Variants in PPM1B observed in about 807,000 individuals in gnomAD.
PPM1B encodes protein phosphatase, Mg2+/Mn2+ dependent 1B.
PPM1B carries 22 observed loss-of-function variants against 43.0 expected under a neutral mutation model. That is an observed-to-expected ratio of 0.51 (90% CI 0.37 to 0.73). The LOEUF is 0.73. Among genes scored for constraint, PPM1B ranks in the 30% least tolerant of loss-of-function variants. PPM1B has a pLI of 0.00. For synonymous variants in PPM1B, 217 were observed against 197.9 expected (o/e 1.10, Z -0.81); for missense variants, 632 against 584.2 (o/e 1.08, Z -0.84).
At chr2:44,246,403 T>C (rs1670854266), downstream of PPM1B, among the ~76,000 whole-genome samples, 1 of 152,210 alleles carries the variant, frequency 6.6e-6, no homozygotes, top group African/African-American at 2.4e-5. Context: ...GTTGTGGATT[T>C]ATCTAAGATA....
At chr2:44,223,989 A>G (rs944944833) in intron 5 of PPM1B, among the ~76,000 whole-genome samples, 2 of 152,176 alleles carry the variant, frequency 1.3e-5, no homozygotes, top group African/African-American at 4.8e-5. Flanking sequence ...TTCTTCAAGT[A>G]ACATGTAATT....
intron 1 of PPM1B, among the ~76,000 whole-genome samples, chr2:44,171,486 G>T (rs1351892404): frequency 2.0e-5 from 3 of 152,164 alleles, no homozygotes; most frequent in Admixed American, 1.3e-4. Flanking sequence ...AGTCTTGGAA[G>T]CTTAGAATTG....
chr2:44,244,244 C>T lies in PPM1B; in HGVS notation n.1563C>T, dbSNP rs765801334. 2.5e-5 allele frequency: 33 copies of T among 1,340,714 alleles called. No homozygotes were observed. The African/African-American group carries it at 4.0e-4, about 16-fold the overall frequency. 83.1% of individuals were successfully genotyped at this position (1,340,714 alleles called of 1,614,324 possible). A position where few individuals can be genotyped will look rare whatever the true frequency, so the allele number is the denominator to read the frequency against. Reference sequence around the variant, plus strand: ...ATCCACCAGATGGCAGTCTTGGGCACGTCCATCTGTAAACCTGCTGAGAGC... The same window carrying T: ...ATCCACCAGATGGCAGTCTTGGGCATGTCCATCTGTAAACCTGCTGAGAGC... On this transcript the variant is annotated non_coding_transcript_exon_variant, in exon 6 of 6. Coordinates refer to the PPM1B transcript ENST00000378540.
chr2:44,232,581 C>T, downstream of PPM1B: 1 of 1,355,230 alleles, frequency 7.4e-7, no homozygotes, highest in Non-Finnish European at 9.5e-7. Context: ...ATACTCGTTA[C>T]ATCTGTATTG....
intron 1 of PPM1B, among the ~76,000 whole-genome samples, chr2:44,173,193 A>T (rs1242028567): frequency 6.6e-6 from 1 of 152,192 alleles, no homozygotes; most frequent in Non-Finnish European, 1.5e-5. Flanking sequence ...AAAGACTAAC[A>T]GACCAGATAC....
intron 1 of PPM1B, among the ~76,000 whole-genome samples, chr2:44,170,329 C>T (rs1231906928): frequency 6.6e-6 from 1 of 152,208 alleles, no homozygotes; most frequent in East Asian, 1.9e-4. Context: ...ATAGGCTCCA[C>T]ATGTTTAATG....
chr2:44,242,610 C>T (rs1837705), intron 5 of PPM1B, among the ~76,000 whole-genome samples: 22,358 of 152,150 alleles, frequency 0.15, 2,250 homozygotes, highest in Middle Eastern at 0.23. Flanking sequence ...TTTTCACTTT[C>T]TTACCAGTGT....
chr2:44,219,353 T>C (rs10173126), intron 5 of PPM1B: 124,037 of 151,926 alleles, frequency 0.82, 50,781 homozygotes, highest in South Asian at 0.9. Context: ...GGAGGAAGAG[T>C]CCACCTCCAG....
downstream of PPM1B, chr2:44,231,524 T>C (rs897407554): frequency 5.8e-6 from 5 of 865,172 alleles, no homozygotes; most frequent in Non-Finnish European, 6.9e-6. Context: ...CCAAGTTTGG[T>C]ATATTGGAAG....
At chr2:44,226,032 G>T (rs1175849555) in intron 5 of PPM1B, among the ~76,000 whole-genome samples, 2 of 149,520 alleles carry the variant, frequency 1.3e-5, no homozygotes, top group African/African-American at 5.0e-5. Context: ...CTGGAGTGCA[G>T]TGGTGCCATC....
chr2:44,196,620 A>C (rs574875352), intron 1 of PPM1B, among the ~76,000 whole-genome samples: 30 of 152,226 alleles, frequency 2.0e-4, no homozygotes, highest in Non-Finnish European at 3.5e-4. Flanking sequence ...AGATCTACAT[A>C]AACTGTCTGG....
chr2:44,207,461 C>G (rs1669241849), intron 2 of PPM1B, among the ~76,000 whole-genome samples: 1 of 152,170 alleles, frequency 6.6e-6, no homozygotes. Context: ...AGAACAGTTT[C>G]ATCTGCTCCT....
At chr2:44,228,349 T>A (rs983699360) in intron 5 of PPM1B, among the ~76,000 whole-genome samples, 1 of 152,012 alleles carries the variant, frequency 6.6e-6, no homozygotes, top group African/African-American at 2.4e-5. Flanking sequence ...CTTTTAAACA[T>A]TTTTTGTAGA....
rs1470308613 is a variant in PPM1B at position 44,231,242 on chromosome 2, C to G, written c.*524C>G. ...TTTGATTTGTTTATATTTTACATCT[C>G]TGTAGTTTTATTTTTAGAAGTTGTG... On this transcript the variant is annotated 3_prime_UTR_variant, in exon 6 of 6. Coordinates refer to ENST00000282412, the MANE Select transcript of PPM1B (RefSeq NM_002706.6). 1 of 979,424 alleles carries G rather than the reference C, an allele frequency of 1.0e-6. No individual in the cohort carries two copies. Among genetic ancestry groups the G allele is most frequent in the Non-Finnish European group, 1.2e-6 (1 of 824,632 alleles). The allele number at this position is 979,424 out of a possible 1,614,324, so 60.7% of individuals were successfully genotyped here.
At chr2:44,181,445 A>G (rs114759405) in intron 1 of PPM1B, among the ~76,000 whole-genome samples, 520 of 152,300 alleles carry the variant, frequency 3.4e-3, no homozygotes, top group African/African-American at 0.012. Flanking sequence ...GTTTTAGGGA[A>G]ATGAAGCTCA....
chr2:44,179,283 A>G (rs1455311851), intron 1 of PPM1B, among the ~76,000 whole-genome samples: 6 of 152,238 alleles, frequency 3.9e-5, no homozygotes, highest in African/African-American at 1.4e-4. Flanking sequence ...TAAATTGCAC[A>G]GTCTTGGGTA....
At chr2:44,209,735 C>T (rs1054915012) in intron 3 of PPM1B, among the ~76,000 whole-genome samples, 2 of 150,756 alleles carry the variant, frequency 1.3e-5, no homozygotes, top group Non-Finnish European at 2.9e-5. Flanking sequence ...CGAGATTGCA[C>T]CACTGCACTC....
chr2:44,244,884 A>T (rs1345653629), downstream of PPM1B, among the ~76,000 whole-genome samples: 1 of 148,892 alleles, frequency 6.7e-6, no homozygotes, highest in Admixed American at 6.7e-5. Context: ...ATCTATGTGT[A>T]TATATATACA....
chr2:44,234,435 C>T (rs1172378702), downstream of PPM1B: 2 of 623,908 alleles, frequency 3.2e-6, no homozygotes, highest in Non-Finnish European at 4.0e-6. Flanking sequence ...AGAAGAATTG[C>T]TTGAACCCAG....
Sources: allele counts gnomAD v4.1 joint callset (sites outside exome capture counted in the v4.1 genomes callset), GRCh38; gene constraint gnomAD v4.1.1; transcripts MANE v1.5; gene names NCBI Gene and HGNC (gene_info 2026-07-23, HGNC 2026-07-21).